Variants in PLCB1 observed in about 807,000 individuals in gnomAD.
The protein encoded by PLCB1 is phospholipase C beta 1.
Under a neutral mutation model 161.8 loss-of-function variants are expected in PLCB1, and 46 were observed. That is an observed-to-expected ratio of 0.28 (90% CI 0.22 to 0.36). The LOEUF (loss-of-function observed/expected upper bound fraction) is 0.36, where lower values mean the gene tolerates loss of function less well. Ranked by LOEUF, PLCB1 falls within the 10% of genes least tolerant of loss-of-function variation. The pLI is 1.00. For missense variants in PLCB1, 1,016 were observed against 1,472.5 expected, an observed-to-expected ratio of 0.69 and a Z score of 5.07; for synonymous variants, 517 against 503.7, an observed-to-expected ratio of 1.03 and a Z score of -0.35.
At chr20:8,288,928 C>T (rs556944815) in intron 2 of PLCB1, among the ~76,000 whole-genome samples, 6 of 152,188 alleles carry the variant, frequency 3.9e-5, no homozygotes, top group African/African-American at 1.4e-4. Flanking sequence ...CCATAAGCTC[C>T]AGAGCACATC....
intron 3 of PLCB1, among the ~76,000 whole-genome samples, chr20:8,446,540 T>C (rs1029921321): frequency 2.6e-5 from 4 of 152,128 alleles, no homozygotes; most frequent in African/African-American, 9.7e-5. Context: ...TTCAACATAG[T>C]GTTGGAAGTT....
At chr20:8,584,698 CTT>C (rs11308484) in intron 3 of PLCB1, among the ~76,000 whole-genome samples, 1 of 149,484 alleles carries the variant, frequency 6.7e-6, no homozygotes, top group African/African-American at 2.5e-5. Context: ...TCAAGATTCT[CTT>C]TTTTTTTTGA....
At chr20:8,663,834 A>G (rs1989744882) in intron 9 of PLCB1, among the ~76,000 whole-genome samples, 1 of 152,138 alleles carries the variant, frequency 6.6e-6, no homozygotes, top group Admixed American at 6.6e-5. Context: ...GGAATATGCA[A>G]TGACCCCTGC....
At chr20:8,269,107 T>G (rs1476427265) in intron 2 of PLCB1, among the ~76,000 whole-genome samples, 1 of 152,154 alleles carries the variant, frequency 6.6e-6, no homozygotes, top group East Asian at 1.9e-4. Flanking sequence ...TATTATGCTT[T>G]AATTTCTGGG....
chr20:8,331,108 CTTTAG>C, intron 2 of PLCB1, among the ~76,000 whole-genome samples: 1 of 152,182 alleles, frequency 6.6e-6, no homozygotes, highest in Admixed American at 6.5e-5. Context: ...TATGTTGTCA[CTTTAG>C]TTAATAAAAC....
intron 2 of PLCB1, among the ~76,000 whole-genome samples, chr20:8,210,903 C>T (rs1460868224): frequency 6.6e-6 from 1 of 152,096 alleles, no homozygotes; most frequent in Non-Finnish European, 1.5e-5. Flanking sequence ...TGATGTGACA[C>T]TCTGCTGCTG....
intron 2 of PLCB1, among the ~76,000 whole-genome samples, chr20:8,255,440 A>G (rs1235175740): frequency 1.3e-5 from 2 of 152,076 alleles, no homozygotes; most frequent in African/African-American, 2.4e-5. Context: ...CCTAATCCTT[A>G]TTTAAGATTT....
intron 1 of PLCB1, among the ~76,000 whole-genome samples, chr20:8,141,513 C>G (rs1292275383): frequency 6.6e-6 from 1 of 151,502 alleles, no homozygotes; most frequent in East Asian, 1.9e-4. Flanking sequence ...ATCCCGACCA[C>G]TCGAGAGGCT....
At chr20:8,568,965 G>A (rs1002227733) in intron 3 of PLCB1, among the ~76,000 whole-genome samples, 1 of 152,184 alleles carries the variant, frequency 6.6e-6, no homozygotes, top group Non-Finnish European at 1.5e-5. Flanking sequence ...GGAGTATTGG[G>A]GATGAGAGGT....
At chr20:8,423,882 A>G (rs1362485520) in intron 3 of PLCB1, among the ~76,000 whole-genome samples, 2 of 152,156 alleles carry the variant, frequency 1.3e-5, no homozygotes, top group African/African-American at 2.4e-5. Context: ...AGCTTCCTAG[A>G]GTGTCTTGTA....
intron 2 of PLCB1, among the ~76,000 whole-genome samples, chr20:8,307,753 C>T (rs1984197165): frequency 6.6e-6 from 1 of 151,848 alleles, no homozygotes; most frequent in South Asian, 2.1e-4. Flanking sequence ...AAAACCCTGT[C>T]TCTACTAAAA....
chr20:8,843,797 C>A (rs1986593835), intron 31 of PLCB1, among the ~76,000 whole-genome samples: 1 of 152,102 alleles, frequency 6.6e-6, no homozygotes, highest in Non-Finnish European at 1.5e-5. Flanking sequence ...ATACAGGAAT[C>A]CAAAACTCTG....
chr20:8,614,273 G>A (rs1226419224), intron 3 of PLCB1, among the ~76,000 whole-genome samples: 1 of 151,772 alleles, frequency 6.6e-6, no homozygotes, highest in Non-Finnish European at 1.5e-5. Context: ...AATACCTTTG[G>A]CCCTGCAATT....
At chr20:8,785,212 A>T (rs1411328230) in intron 27 of PLCB1, among the ~76,000 whole-genome samples, 4 of 152,152 alleles carry the variant, frequency 2.6e-5, no homozygotes, top group Admixed American at 6.5e-5. Flanking sequence ...TTTCTTCCAG[A>T]TTGTCTCCAT....
intron 10 of PLCB1, 56 bp from the exon 11 acceptor site, chr20:8,697,570 C>G: frequency 6.3e-7 from 1 of 1,581,102 alleles, no homozygotes; most frequent in Non-Finnish European, 8.7e-7. Context: ...TAAGAAAGCA[C>G]CACGGTCATC....
chr20:8,766,598 G>A (rs1246845601), intron 26 of PLCB1, among the ~76,000 whole-genome samples: 1 of 152,220 alleles, frequency 6.6e-6, no homozygotes, highest in Non-Finnish European at 1.5e-5. Context: ...TAGAGCTAGA[G>A]CAAGCAACAG....
chr20:8,193,720 G>T (rs576675669), intron 2 of PLCB1, among the ~76,000 whole-genome samples: 1 of 152,042 alleles, frequency 6.6e-6, no homozygotes, highest in African/African-American at 2.4e-5. Flanking sequence ...GAATGGCAAG[G>T]ACTGCTAATT....
intron 31 of PLCB1, among the ~76,000 whole-genome samples, chr20:8,809,720 A>C (rs1984718381): frequency 6.6e-6 from 1 of 151,722 alleles, no homozygotes. Context: ...CTTTTTACTG[A>C]AATAAATTAC....
At chr20:8,573,182 G>A (rs1250571698) in intron 3 of PLCB1, among the ~76,000 whole-genome samples, 1 of 152,164 alleles carries the variant, frequency 6.6e-6, no homozygotes, top group Non-Finnish European at 1.5e-5. Flanking sequence ...AAGCTACTGA[G>A]ATGTCAAGCA....
Sources: allele counts gnomAD v4.1 joint callset (sites outside exome capture counted in the v4.1 genomes callset), GRCh38; gene constraint gnomAD v4.1.1; transcripts MANE v1.5; gene names NCBI Gene and HGNC (gene_info 2026-07-23, HGNC 2026-07-21).